Variants in NAV3 observed in about 807,000 individuals in gnomAD.
The protein encoded by NAV3 is neuron navigator 3.
In NAV3, 87 loss-of-function variants were observed where a neutral mutation model predicts 244.7. That is an observed-to-expected ratio of 0.36 (90% CI 0.30 to 0.42). The LOEUF is 0.42. Among genes scored for constraint, NAV3 ranks in the 20% least tolerant of loss-of-function variants. The pLI, the probability that NAV3 is intolerant of heterozygous loss-of-function variation, is 1.00. For missense variants in NAV3, 2,663 were observed against 2,893.3 expected (o/e 0.92, Z 1.83); for synonymous variants, 1,126 against 1,042.2 (o/e 1.08, Z -1.55).
chr12:77,634,897 A>T (rs570116136), intron 2 of NAV3, among the ~76,000 whole-genome samples: 1 of 150,826 alleles, frequency 6.6e-6, no homozygotes, highest in African/African-American at 2.5e-5. Context: ...TTGTAACTCT[A>T]GCAAGTGTTA....
intron 1 of NAV3, among the ~76,000 whole-genome samples, chr12:77,927,880 A>G (rs1888369917): frequency 6.6e-6 from 1 of 152,088 alleles, no homozygotes; most frequent in Non-Finnish European, 1.5e-5. Context: ...GACTGTCTGT[A>G]TTGACCATGA....
At chr12:78,159,792 A>G (rs1469561907) in intron 23 of NAV3, among the ~76,000 whole-genome samples, 1 of 152,172 alleles carries the variant, frequency 6.6e-6, no homozygotes, top group Non-Finnish European at 1.5e-5. Context: ...GGCAAACAAA[A>G]TCCTTGCTGG....
chr12:78,034,296 C>G (rs890907745), intron 9 of NAV3, among the ~76,000 whole-genome samples: 1 of 152,160 alleles, frequency 6.6e-6, no homozygotes, highest in Non-Finnish European at 1.5e-5. Flanking sequence ...GGGGGAAAAA[C>G]CATCCCCAGT....
At chr12:78,010,253 T>C (rs996856416) in intron 8 of NAV3, among the ~76,000 whole-genome samples, 8 of 152,230 alleles carry the variant, frequency 5.3e-5, no homozygotes, top group African/African-American at 1.9e-4. Context: ...TTGGATTATG[T>C]AACCTTTTAT....
chr12:78,108,737 A>G (rs1405283575), intron 12 of NAV3, among the ~76,000 whole-genome samples: 2 of 152,168 alleles, frequency 1.3e-5, no homozygotes, highest in Non-Finnish European at 2.9e-5. Context: ...TTAAGCTGAA[A>G]ATCAAAAAAT....
rs188181066 is a variant in NAV3 at position 78,006,415 on chromosome 12, C to T, written c.881-4C>T. On this transcript the variant is annotated splice_polypyrimidine_tract_variant and splice_region_variant and intron_variant, in intron 7 of 39. Coordinates refer to ENST00000397909, the MANE Select transcript of NAV3 (RefSeq NM_001024383.2). ...TCTTTATTTTTCTTCTAAACAATGTCCAGATTCCTCCAAAGGACCTCAATC... is the reference window on the plus strand; with the variant it reads ...TCTTTATTTTTCTTCTAAACAATGTTCAGATTCCTCCAAAGGACCTCAATC... 1.2e-4 allele frequency: 201 copies of T among 1,610,204 alleles called. No individual in the cohort carries two copies. The East Asian group carries it at 3.8e-3, about 31-fold the overall frequency.
chr12:78,187,260 A>C (rs1031926633), intron 31 of NAV3, among the ~76,000 whole-genome samples: 1 of 150,608 alleles, frequency 6.6e-6, no homozygotes, highest in Non-Finnish European at 1.5e-5. Flanking sequence ...TGAGGGTCTG[A>C]GCCAGCTAAG....
chr12:78,210,583 C>T lies in NAV3; in HGVS notation c.*66C>T. The T allele has an allele frequency of 1.9e-6, 3 of 1,565,548 alleles. No homozygotes were observed. The highest frequency in any genetic ancestry group is 2.6e-6 in the Non-Finnish European group (3 of 1,153,188). ...AAATGTTTCAAAAGAAAGGTATTTT[C>T]ACTAAACCACTGCCAGTATAAAAGC... On this transcript the variant is annotated 3_prime_UTR_variant, in exon 40 of 40. Transcript: ENST00000397909.
chr12:78,082,328 T>C (rs1372388436), intron 12 of NAV3, among the ~76,000 whole-genome samples: 2 of 152,228 alleles, frequency 1.3e-5, no homozygotes, highest in Admixed American at 1.3e-4. Context: ...CACAGGCATA[T>C]GCATTATATT....
intron 5 of NAV3, among the ~76,000 whole-genome samples, chr12:77,990,783 T>TA (rs1488506436): frequency 6.6e-6 from 1 of 152,200 alleles, no homozygotes; most frequent in Non-Finnish European, 1.5e-5. Context: ...TAAGTTCTTA[T>TA]AAGACTCTAT....
intron 2 of NAV3, among the ~76,000 whole-genome samples, chr12:77,586,156 C>T (rs866879780): frequency 7.1e-6 from 1 of 141,298 alleles, no homozygotes; most frequent in Non-Finnish European, 1.5e-5. Flanking sequence ...AGCGAGACTC[C>T]ATCTCAAAAA....
chr12:77,582,349 G>A (rs1296447795), intron 2 of NAV3, among the ~76,000 whole-genome samples: 1 of 152,130 alleles, frequency 6.6e-6, no homozygotes, highest in East Asian at 1.9e-4. Flanking sequence ...TTTTTCAAGA[G>A]CTACTCCCCA....
At chr12:77,811,529 A>G (rs1872287301) in intron 2 of NAV3, among the ~76,000 whole-genome samples, 1 of 152,196 alleles carries the variant, frequency 6.6e-6, no homozygotes, top group African/African-American at 2.4e-5. Flanking sequence ...GTTTGATTAT[A>G]TACCTAATTT....
chr12:78,087,036 C>T (rs1388964187), intron 12 of NAV3, among the ~76,000 whole-genome samples: 1 of 151,894 alleles, frequency 6.6e-6, no homozygotes, highest in East Asian at 1.9e-4. Flanking sequence ...TGTGGTTTTC[C>T]TGTCAAATAG....
At chr12:78,107,036 A>G (rs1954837196) in intron 12 of NAV3, among the ~76,000 whole-genome samples, 3 of 152,170 alleles carry the variant, frequency 2.0e-5, no homozygotes, top group Admixed American at 1.3e-4. Context: ...AAACAACATC[A>G]CAGGTATATC....
At chr12:77,641,343 C>T (rs559550950) in intron 2 of NAV3, among the ~76,000 whole-genome samples, 16 of 151,910 alleles carry the variant, frequency 1.1e-4, no homozygotes, top group South Asian at 4.1e-4. Context: ...CATCACAGAG[C>T]GGCAGAAATA....
At chr12:77,613,042 G>A (rs1171921388) in intron 2 of NAV3, among the ~76,000 whole-genome samples, 2 of 152,096 alleles carry the variant, frequency 1.3e-5, no homozygotes, top group Non-Finnish European at 2.9e-5. Context: ...CAACCATGCT[G>A]AACTGTGAGT....
At chr12:77,598,227 G>A (rs1282488226) in intron 2 of NAV3, among the ~76,000 whole-genome samples, 2 of 152,066 alleles carry the variant, frequency 1.3e-5, no homozygotes, top group East Asian at 3.9e-4. Context: ...TCATGAGAAA[G>A]TATCCGTATT....
At chr12:78,024,095 C>T (rs936240896) in intron 9 of NAV3, among the ~76,000 whole-genome samples, 4 of 152,130 alleles carry the variant, frequency 2.6e-5, no homozygotes, top group African/African-American at 9.7e-5. Context: ...CTAGGATTTC[C>T]AATTCATTGA....
Sources: gnomAD v4.1 joint callset for allele counts (sites outside exome capture counted in the v4.1 genomes callset) on GRCh38, gnomAD v4.1.1 for gene constraint, MANE v1.5 for transcripts, NCBI Gene and HGNC (gene_info 2026-07-23, HGNC 2026-07-21) for gene names.